CA10: variants seen among roughly 807,000 people sequenced by gnomAD.
CA10 encodes carbonic anhydrase-related protein 10.
A neutral mutation model predicts 44.2 loss-of-function variants in CA10; 14 were observed. The observed-to-expected ratio is 0.32, with a 90% CI of 0.21 to 0.50. The LOEUF is 0.50. CA10 is among the 20% of genes least tolerant of loss of function. CA10 has a pLI of 0.99. For missense variants in CA10, 350 were observed against 409.7 expected, an observed-to-expected ratio of 0.85 and a Z score of 1.26; for synonymous variants, 159 against 141.6, an observed-to-expected ratio of 1.12 and a Z score of -0.87.
chr17:51,758,655 C>CG (rs369815796), intron 3 of CA10, among the ~76,000 whole-genome samples: 3 of 152,170 alleles, frequency 2.0e-5, no homozygotes, highest in Admixed American at 6.5e-5. Context: ...TGTAGGTTTC[C>CG]GGGGGGTGAG....
chr17:51,828,542 T>G (rs1015828304), intron 3 of CA10, among the ~76,000 whole-genome samples: 2 of 152,186 alleles, frequency 1.3e-5, no homozygotes, highest in African/African-American at 4.8e-5. Context: ...AAAAATTTAC[T>G]GAATGAACGA....
At chr17:51,939,741 T>C (rs1476419796) in intron 2 of CA10, among the ~76,000 whole-genome samples, 1 of 152,146 alleles carries the variant, frequency 6.6e-6, no homozygotes, top group Non-Finnish European at 1.5e-5. Context: ...TATTTTTCTC[T>C]GGGTTATTTA....
chr17:51,636,775 TTGTG>T (rs57428535), intron 6 of CA10, among the ~76,000 whole-genome samples: 211 of 146,614 alleles, frequency 1.4e-3, no homozygotes, highest in African/African-American at 3.6e-3. Flanking sequence ...ACTGATTATT[TTGTG>T]TGTGTGTGTG....
At position 51,696,792 on chromosome 17, in the gene CA10, T is replaced by A. The variant is rs188340080; in HGVS notation, c.466-43056A>T. ...ATTTTGGCATGTTCTGTCTCTGTGT[T>A]TATTTATTTCAATGAATTGTTGGAC... On this transcript the variant is annotated intron_variant, in intron 4 of 8. Transcript: ENST00000451037. Among the ~76,000 whole-genome samples, 751 of 152,286 alleles carry A rather than the reference T, an allele frequency of 4.9e-3. 9 individuals are homozygous for A. The highest frequency in any genetic ancestry group is 0.017 in the African/African-American group (713 of 41,552).
At chr17:51,839,353 C>T (rs772770912) in intron 3 of CA10, among the ~76,000 whole-genome samples, 1 of 151,608 alleles carries the variant, frequency 6.6e-6, no homozygotes, top group Non-Finnish European at 1.5e-5. Flanking sequence ...ATTAGCCGGG[C>T]GTGGTGGCAT....
In CA10 at chr17:52,108,230, T is replaced by C. The variant is rs1020016410; in HGVS notation, c.62-35837A>G. On this transcript the variant is annotated intron_variant, in intron 1 of 8. Transcript: ENST00000451037. ...TATATATATATATATATATATAATA[T>C]GTATATGATGGAATACTACCCAGCC... Among the ~76,000 whole-genome samples, 15 of 131,570 alleles carry C rather than the reference T, an allele frequency of 1.1e-4. No homozygotes were observed. In the East Asian group the frequency reaches 3.1e-3, roughly 27 times the overall value. The allele number at this position is 131,570 out of a possible 152,430, so 86.3% of individuals were successfully genotyped here.
intron 3 of CA10, among the ~76,000 whole-genome samples, chr17:51,926,391 G>A (rs577220285): frequency 6.6e-6 from 1 of 152,276 alleles, no homozygotes; most frequent in South Asian, 2.1e-4. Context: ...TTGATTTGTG[G>A]TTAGTAAACC....
At position 52,086,121 on chromosome 17, in the gene CA10, T is replaced by A. The variant is rs56131049; in HGVS notation, c.62-13728A>T. The stretch of plus-strand genomic sequence containing the variant: ...CTCATTCTAGGTCTTTATTTTGGAG[T>A]GGTTTACAGTGCAATGAGAAATAAG... On this transcript the variant is annotated intron_variant, in intron 1 of 8. Transcript: ENST00000451037. 4.1e-3 allele frequency among the ~76,000 whole-genome samples: 629 copies of A among 152,260 alleles called. 3 individuals carry two copies. The highest frequency in any genetic ancestry group is 0.014 in the African/African-American group (579 of 41,542).
chr17:51,803,957 T>C (rs2143724099), intron 3 of CA10, among the ~76,000 whole-genome samples: 1 of 152,290 alleles, frequency 6.6e-6, no homozygotes, highest in East Asian at 1.9e-4. Flanking sequence ...AGCTATTTGG[T>C]TCATGGTATG....
chr17:51,682,470 G>A (rs1390227934), intron 4 of CA10, among the ~76,000 whole-genome samples: 1 of 152,218 alleles, frequency 6.6e-6, no homozygotes, highest in Non-Finnish European at 1.5e-5. Flanking sequence ...AAGGCAGAAG[G>A]TGGGTTTTAT....
intron 1 of CA10, among the ~76,000 whole-genome samples, chr17:52,104,542 C>A (rs1392570417): frequency 1.3e-5 from 2 of 152,184 alleles, no homozygotes; most frequent in Non-Finnish European, 2.9e-5. Flanking sequence ...CAAACGAGGG[C>A]ACAAACAACA....
At chr17:51,715,124 C>T (rs1028686843) in intron 4 of CA10, among the ~76,000 whole-genome samples, 29 of 152,038 alleles carry the variant, frequency 1.9e-4, no homozygotes, top group Admixed American at 1.6e-3. Flanking sequence ...GGACAAAAAA[C>T]CAAACACCTC....
intron 4 of CA10, among the ~76,000 whole-genome samples, chr17:51,700,080 A>G (rs1023397011): frequency 8.5e-5 from 13 of 152,188 alleles, no homozygotes; most frequent in African/African-American, 2.7e-4. Context: ...TGTGGCCATC[A>G]GGTGGTAGGC....
chr17:51,757,365 G>A (rs142516631), intron 3 of CA10, among the ~76,000 whole-genome samples: 212 of 152,296 alleles, frequency 1.4e-3, no homozygotes, highest in African/African-American at 4.8e-3. Flanking sequence ...ACTTAGGGGC[G>A]TATGGATTCT....
intron 6 of CA10, among the ~76,000 whole-genome samples, chr17:51,646,140 G>T (rs1213221631): frequency 6.6e-6 from 1 of 152,188 alleles, no homozygotes; most frequent in Non-Finnish European, 1.5e-5. Context: ...TGTTTATTAC[G>T]CAGAAGTTGC....
At chr17:51,691,038 TGG>T (rs1567804684) in intron 4 of CA10, among the ~76,000 whole-genome samples, 2 of 152,226 alleles carry the variant, frequency 1.3e-5, no homozygotes, top group African/African-American at 4.8e-5. Context: ...GCAACAAATA[TGG>T]GATGCAGATA....
At chr17:51,871,927 A>G (rs1979836734) in intron 3 of CA10, among the ~76,000 whole-genome samples, 1 of 152,234 alleles carries the variant, frequency 6.6e-6, no homozygotes, top group Non-Finnish European at 1.5e-5. Context: ...AGAATGAAAC[A>G]TGTACCTTAA....
In CA10 at chr17:52,047,250, C is replaced by A. The variant is rs144788673; in HGVS notation, c.136+25069G>T. Reference sequence around the variant, plus strand: ...ATGCATATGGTTCTCTTAATATGAACCTCTGGGAAATGTAAAATTGTATTG... The same window carrying A: ...ATGCATATGGTTCTCTTAATATGAAACTCTGGGAAATGTAAAATTGTATTG... On this transcript the variant is annotated intron_variant, in intron 2 of 8. Coordinates refer to ENST00000451037, the MANE Select transcript of CA10 (RefSeq NM_020178.5). Among the ~76,000 whole-genome samples the A allele has an allele frequency of 2.0e-4, 30 of 151,984 alleles. 3 individuals carry two copies. In the East Asian group the frequency reaches 5.9e-3, roughly 30 times the overall value.
At chr17:51,633,396 G>A (rs779340687) in intron 8 of CA10, 80 bp downstream of exon 8, 2 of 1,294,486 alleles carry the variant, frequency 1.5e-6, no homozygotes, top group South Asian at 3.1e-5. Context: ...GGAAGATAAT[G>A]CCAGGCCTTT....
Sources: allele counts gnomAD v4.1 joint callset (sites outside exome capture counted in the v4.1 genomes callset), GRCh38; gene constraint gnomAD v4.1.1; transcripts MANE v1.5; gene names NCBI Gene and HGNC (gene_info 2026-07-23, HGNC 2026-07-21).